The following SCN2A variants were observed in gnomAD, a reference collection of about 807,000 sequenced individuals.
SCN2A encodes sodium channel protein type 2 subunit alpha.
In SCN2A, 20 loss-of-function variants were observed where a neutral mutation model predicts 188.7. That is an observed-to-expected ratio of 0.11 (90% confidence interval 0.07 to 0.15). The LOEUF is 0.15. Ranked by LOEUF, SCN2A falls within the 10% of genes least tolerant of loss-of-function variation. The pLI is 1.00. For synonymous variants in SCN2A, 804 were observed against 833.1 expected (o/e 0.97, Z 0.60); for missense variants, 1,278 against 2,445.0 (o/e 0.52, Z 10.07).
intron 2 of SCN2A, 61 bp downstream of exon 2, chr2:165,296,151 A>G (rs1441485902): frequency 6.6e-7 from 1 of 1,525,920 alleles, no homozygotes; most frequent in East Asian, 2.3e-5. Context: ...GGCTAGTCCC[A>G]GGGATGATGG....
chr2:165,308,647 C>A lies in SCN2A; in HGVS notation c.477-19C>A. The A allele has an allele frequency of 6.2e-7, 1 of 1,608,840 alleles. No individual in the cohort carries two copies. Among genetic ancestry groups the A allele is most frequent in the Middle Eastern group, 1.7e-4 (1 of 5,902 alleles). ...TTAACCACTAGATTTTTAATGTGAG[C>A]TTGGCTATTTTCTCTCAGGTATACC... On this transcript the variant is annotated intron_variant, in intron 4 of 26. Coordinates refer to ENST00000375437, the MANE Select transcript of SCN2A (RefSeq NM_001040142.2).
intron 19 of SCN2A, among the ~76,000 whole-genome samples, chr2:165,368,719 C>T (rs953885821): frequency 6.6e-6 from 1 of 152,118 alleles, no homozygotes; most frequent in African/African-American, 2.4e-5. Context: ...GACCTATTTT[C>T]TTAATTGGTG....
intron 20 of SCN2A, 45 bp downstream of exon 20, chr2:165,370,344 A>G (rs1700961225): frequency 6.3e-7 from 1 of 1,596,060 alleles, no homozygotes. Flanking sequence ...GCATATATGT[A>G]ATAGTTCTAG....
In SCN2A at chr2:165,386,738, T is replaced by G; in HGVS notation, c.4552-8T>G. ...TCTAATGGAACTTTTACATATTATT[T>G]GTTCCAGAACAAATTCCAAGGAATG... is the stretch of plus-strand genomic sequence containing the variant. On this transcript the variant is annotated splice_region_variant and splice_polypyrimidine_tract_variant and intron_variant, in intron 25 of 26. Coordinates refer to ENST00000375437, the MANE Select transcript of SCN2A (RefSeq NM_001040142.2). 6.2e-7 allele frequency: 1 copy of G among 1,611,772 alleles called. No individual in the cohort carries two copies. Among genetic ancestry groups the G allele is most frequent in the South Asian group, 1.1e-5 (1 of 90,928 alleles).
intron 17 of SCN2A, among the ~76,000 whole-genome samples, chr2:165,356,305 T>A (rs1700177981): frequency 6.6e-6 from 1 of 152,224 alleles, no homozygotes; most frequent in African/African-American, 2.4e-5. Flanking sequence ...AAATTTTTAC[T>A]AACTAGATTA....
At position 165,347,628 on chromosome 2, in the gene SCN2A, G is replaced by A. The variant is rs183855112; in HGVS notation, c.2919+2717G>A. ...AAAATTAACCATACCCAACACTAGTGTCCTGAATCTTGAAGGCATGGAGAA... is the reference window on the plus strand; with the variant it reads ...AAAATTAACCATACCCAACACTAGTATCCTGAATCTTGAAGGCATGGAGAA... On this transcript the variant is annotated intron_variant, in intron 16 of 26. Coordinates refer to ENST00000375437, the MANE Select transcript of SCN2A (RefSeq NM_001040142.2). Among the ~76,000 whole-genome samples the A allele has an allele frequency of 2.4e-3, 359 of 152,244 alleles. 1 individual carries two copies. Among genetic ancestry groups the A allele is most frequent in the Non-Finnish European group, 1.5e-3 (100 of 68,018 alleles).
intron 25 of SCN2A, among the ~76,000 whole-genome samples, chr2:165,383,857 T>G (rs2105391726): frequency 6.6e-6 from 1 of 151,852 alleles, no homozygotes; most frequent in Admixed American, 6.6e-5. Flanking sequence ...GGTGAGAAAA[T>G]TGGAGATGCT....
At position 165,344,768 on chromosome 2, in the gene SCN2A, C is replaced by A. The variant is rs765106343; in HGVS notation, c.2776C>A (p.His926Asn). 2 of 1,614,154 alleles carry A rather than the reference C, an allele frequency of 1.2e-6. No individual in the cohort carries two copies. The highest frequency in any genetic ancestry group is 2.2e-5 in the East Asian group (1 of 44,878). The change falls in exon 16 of 27, where the codon CAT (histidine) becomes AAT (asparagine). Residue 926 changes from histidine (H) to asparagine (N), a missense_variant. By Grantham distance (68) the His-to-Asn change is moderately conservative. Coordinates refer to ENST00000375437, the MANE Select transcript of SCN2A (RefSeq NM_001040142.2). ...NDCELPRWHM[H>N]DFFHSFLIVF... ...TTGTGAACTCCCACGCTGGCACATG[C>A]ATGACTTTTTCCACTCCTTCCTGAT... is the stretch of plus-strand genomic sequence containing the variant.
At chr2:165,240,572 G>T (rs77471816) in intron 1 of SCN2A, among the ~76,000 whole-genome samples, 4,536 of 152,044 alleles carry the variant, frequency 0.03, 218 homozygotes, top group African/African-American at 0.099. Context: ...TTCATTTAGA[G>T]AAATTTAAAG....
At chr2:165,297,816 C>T (rs1415524347) in intron 3 of SCN2A, among the ~76,000 whole-genome samples, 3 of 152,046 alleles carry the variant, frequency 2.0e-5, no homozygotes, top group Non-Finnish European at 4.4e-5. Flanking sequence ...TCTATCTATC[C>T]ATATACATTC....
intron 25 of SCN2A, 102 bp downstream of exon 25, chr2:165,381,299 A>C (rs1157650374): frequency 4.8e-6 from 4 of 835,928 alleles, no homozygotes; most frequent in Non-Finnish European, 7.9e-6. Flanking sequence ...TTGTAACACA[A>C]AGTTTTTTAC....
chr2:165,347,270 G>T (rs896218816), intron 16 of SCN2A, among the ~76,000 whole-genome samples: 2 of 152,130 alleles, frequency 1.3e-5, no homozygotes, highest in African/African-American at 4.8e-5. Context: ...CCATAAAAAA[G>T]AGTGAGTTCA....
intron 1 of SCN2A, among the ~76,000 whole-genome samples, chr2:165,249,590 T>C (rs1036065361): frequency 3.9e-5 from 6 of 152,066 alleles, no homozygotes; most frequent in African/African-American, 1.4e-4. Context: ...TCAATTCAGT[T>C]GGGAAAATTG....
In SCN2A at chr2:165,324,598, G is replaced by A. The variant is rs566906136; in HGVS notation, c.2016+1098G>A. On this transcript the variant is annotated intron_variant, in intron 12 of 26. Transcript: ENST00000375437. ...CAGGAAGAATGAAGAGAGGACATCAGCTCTTCTTAAAAAATGATCATAGAT... is the reference window on the plus strand; with the variant it reads ...CAGGAAGAATGAAGAGAGGACATCAACTCTTCTTAAAAAATGATCATAGAT... 5.3e-4 allele frequency among the ~76,000 whole-genome samples: 80 copies of A among 152,278 alleles called. 1 individual carries two copies. The highest frequency in any genetic ancestry group is 2.9e-5 in the Non-Finnish European group (2 of 68,018).
intron 11 of SCN2A, among the ~76,000 whole-genome samples, chr2:165,322,592 C>G (rs1698132691): frequency 6.6e-6 from 1 of 152,040 alleles, no homozygotes; most frequent in African/African-American, 2.4e-5. Flanking sequence ...TCATGAAGAC[C>G]ATCATAAAAT....
At chr2:165,289,008 G>T (rs1195617035) in intron 1 of SCN2A, among the ~76,000 whole-genome samples, 1 of 152,022 alleles carries the variant, frequency 6.6e-6, no homozygotes, top group Non-Finnish European at 1.5e-5. Context: ...ACTTTCCTTA[G>T]TGTTTTCAGC....
intron 1 of SCN2A, chr2:165,290,535 A>G (rs1296040074): frequency 1.3e-5 from 2 of 152,606 alleles, no homozygotes; most frequent in African/African-American, 4.8e-5. Flanking sequence ...AAAAAAGTAG[A>G]TACTATGTGT....
chr2:165,316,249 T>C (rs1418139438), intron 11 of SCN2A, among the ~76,000 whole-genome samples: 1 of 152,128 alleles, frequency 6.6e-6, no homozygotes, highest in Non-Finnish European at 1.5e-5. Context: ...TCTCTAAAAG[T>C]AGCCAAAACT....
intron 1 of SCN2A, chr2:165,294,003 G>A (rs1696351506): frequency 2.5e-5 from 3 of 122,314 alleles, no homozygotes; most frequent in South Asian, 6.3e-4. Context: ...GGTCTTTGAA[G>A]GAGAATTAAA....
Sources: gnomAD v4.1 joint callset for allele counts (sites outside exome capture counted in the v4.1 genomes callset) on GRCh38, gnomAD v4.1.1 for gene constraint, MANE v1.5 for transcripts, NCBI Gene and HGNC (gene_info 2026-07-23, HGNC 2026-07-21) for gene names.